Variants in PIN4 observed in about 807,000 individuals in gnomAD.
The protein encoded by PIN4 is peptidylprolyl cis/trans isomerase, NIMA-interacting 4.
A neutral mutation model predicts 8.3 loss-of-function variants in PIN4; 3 were observed. The observed-to-expected ratio is 0.36, with a 90% confidence interval of 0.16 to 0.93. PIN4 has a LOEUF of 0.93. Among genes scored for constraint, PIN4 ranks in the 40% least tolerant of loss-of-function variants. The pLI, the probability that PIN4 is intolerant of heterozygous loss-of-function variation, is 0.44. For missense variants in PIN4, 75 were observed against 100.6 expected, an observed-to-expected ratio of 0.75 and a Z score of 1.09; for synonymous variants, 18 against 32.5, an observed-to-expected ratio of 0.55 and a Z score of 1.52.
At chrX:72,228,717 C>G (rs890921761) in intron 3 of PIN4, among the ~76,000 whole-genome samples, 1 of 111,281 alleles carries the variant, frequency 9.0e-6, no homozygotes, top group African/African-American at 3.3e-5. Flanking sequence ...GGACTTTACT[C>G]TTACCCAAAT....
intron 2 of PIN4, 136 bp downstream of exon 2, chrX:72,186,670 G>A: frequency 2.1e-6 from 1 of 485,909 alleles, no homozygotes; most frequent in South Asian, 3.2e-5. Context: ...ACACAAAATT[G>A]TAGCTGGGCG....
exon 4 of PIN4, chrX:72,262,854 C>A: frequency 3.1e-6 from 2 of 643,812 alleles, no homozygotes; most frequent in Non-Finnish European, 4.7e-6. Context: ...CTATTAGTTC[C>A]AATTTCAGAA....
intron 1 of PIN4, among the ~76,000 whole-genome samples, chrX:72,184,605 T>A (rs2042689881): frequency 9.0e-6 from 1 of 111,372 alleles, no homozygotes; most frequent in African/African-American, 3.3e-5. Flanking sequence ...GATGACAGCA[T>A]CCAGCAGGGA....
chrX:72,258,545 C>T (rs1043393226), intron 3 of PIN4, among the ~76,000 whole-genome samples: 6 of 111,443 alleles, frequency 5.4e-5, no homozygotes, highest in African/African-American at 2.0e-4. Flanking sequence ...AAGCATGAAT[C>T]CCCTTTATAT....
At chrX:72,262,333 G>T (rs1367384215) in intron 3 of PIN4, among the ~76,000 whole-genome samples, 1 of 112,178 alleles carries the variant, frequency 8.9e-6, no homozygotes, top group Non-Finnish European at 1.9e-5. Flanking sequence ...CTTCAAGGGG[G>T]TCTGAGGCCC....
chrX:72,247,177 C>T (rs1423068023), intron 3 of PIN4, among the ~76,000 whole-genome samples: 1 of 111,914 alleles, frequency 8.9e-6, no homozygotes, highest in African/African-American at 3.3e-5. Context: ...AGCCACTTCT[C>T]TTGCCAATAC....
intron 2 of PIN4, among the ~76,000 whole-genome samples, chrX:72,195,523 TC>T (rs2042759905): frequency 9.1e-6 from 1 of 110,359 alleles, no homozygotes; most frequent in Non-Finnish European, 1.9e-5. Flanking sequence ...GCACCTATAG[TC>T]CCAGCTACTT....
intron 2 of PIN4, among the ~76,000 whole-genome samples, chrX:72,191,041 C>T (rs1290602813): frequency 9.1e-6 from 1 of 109,797 alleles, no homozygotes; most frequent in Non-Finnish European, 1.9e-5. Flanking sequence ...TACTTGGTCT[C>T]TGACTTTACC....
intron 2 of PIN4, 121 bp from the exon 3 acceptor site, chrX:72,196,664 T>A: frequency 1.8e-6 from 1 of 544,228 alleles, no homozygotes; most frequent in Non-Finnish European, 2.9e-6. Context: ...CCAGGATTTT[T>A]ACTTGCTATG....
chrX:72,207,811 G>A (rs1304432204), intron 3 of PIN4: 6 of 1,207,412 alleles, frequency 5.0e-6, no homozygotes, highest in Non-Finnish European at 6.7e-6. Context: ...TTTTATGATT[G>A]CCATTAAGTT....
At chrX:72,195,533 T>G (rs1271040730) in intron 2 of PIN4, among the ~76,000 whole-genome samples, 1 of 110,509 alleles carries the variant, frequency 9.0e-6, no homozygotes, top group Non-Finnish European at 1.9e-5. Flanking sequence ...TCCCAGCTAC[T>G]TGGGAGGCTG....
intron 3 of PIN4, chrX:72,238,987 G>C (rs1255406640): frequency 1.1e-5 from 11 of 1,001,975 alleles, no homozygotes; most frequent in African/African-American, 3.8e-5. Flanking sequence ...TTGGAGCTTA[G>C]AGTTTGGAGC....
At position 72,188,362 on chromosome X, in the gene PIN4, T is replaced by A. The variant is rs185218364; in HGVS notation, c.117+1828T>A. Among the ~76,000 whole-genome samples, 1,018 of 111,823 alleles carry A rather than the reference T, an allele frequency of 9.1e-3. 11 individuals are homozygous for A. Among genetic ancestry groups the A allele is most frequent in the African/African-American group, 0.032 (971 of 30,788 alleles). On this transcript the variant is annotated intron_variant, in intron 2 of 3. Transcript: ENST00000373669. ...GCATATGGCTTTAGCTACTTTTTTT[T>A]ATTTTTTTTTTTGAGACGGAGTTTC...
downstream of PIN4, among the ~76,000 whole-genome samples, chrX:72,201,150 C>T (rs948933297): frequency 4.5e-5 from 5 of 110,512 alleles, no homozygotes; most frequent in Admixed American, 3.9e-4. Context: ...TGCAGTGAGC[C>T]GTGATCTCAC....
At chrX:72,261,024 G>C (rs922485008) in intron 3 of PIN4, among the ~76,000 whole-genome samples, 2 of 111,712 alleles carry the variant, frequency 1.8e-5, no homozygotes, top group East Asian at 5.6e-4. Context: ...TTAGCCGGGC[G>C]CGGTGGCTCA....
intron 3 of PIN4, among the ~76,000 whole-genome samples, chrX:72,212,813 C>A (rs1463686107): frequency 9.0e-6 from 1 of 111,094 alleles, no homozygotes; most frequent in Admixed American, 9.6e-5. Context: ...GGTTTGGTGG[C>A]ATGCGCCTAG....
chrX:72,216,086 C>T (rs1389852510), intron 3 of PIN4, among the ~76,000 whole-genome samples: 2 of 110,135 alleles, frequency 1.8e-5, no homozygotes, highest in Admixed American at 9.7e-5. Context: ...ACCTGGAGCC[C>T]GTGAATGTGA....
In PIN4 at chrX:72,197,734, C is replaced by T; in HGVS notation, c.*208C>T. 4.2e-6 allele frequency: 4 copies of T among 954,396 alleles called. No homozygotes were observed. The highest frequency in any genetic ancestry group is 5.2e-6 in the Non-Finnish European group (4 of 764,012). The allele number at this position is 954,396 out of a possible 1,213,427, so 78.7% of individuals were successfully genotyped here. ...GTGAATGTCAACTGTAGTAGGTATT[C>T]AGTCAGTCTTTCTCAAAGAGAAGTC... On this transcript the variant is annotated 3_prime_UTR_variant, in exon 4 of 4. Coordinates refer to ENST00000373669, the MANE Select transcript of PIN4 (RefSeq NM_006223.4).
chrX:72,190,591 G>T (rs1461362120), intron 2 of PIN4, among the ~76,000 whole-genome samples: 1 of 111,452 alleles, frequency 9.0e-6, no homozygotes, highest in Non-Finnish European at 1.9e-5. Context: ...TCCAATATGA[G>T]TATTATATTT....
Sources: allele counts gnomAD v4.1 joint callset (sites outside exome capture counted in the v4.1 genomes callset), GRCh38; gene constraint gnomAD v4.1.1; transcripts MANE v1.5; gene names NCBI Gene and HGNC (gene_info 2026-07-23, HGNC 2026-07-21).